DCBLD2: variants seen among roughly 807,000 people sequenced by gnomAD.
The protein encoded by DCBLD2 is discoidin, CUB and LCCL domain-containing protein 2.
In DCBLD2, 54 loss-of-function variants were observed where a neutral mutation model predicts 86.8. The observed-to-expected ratio is 0.62, with a 90% CI of 0.50 to 0.78. The LOEUF (loss-of-function observed/expected upper bound fraction) is 0.78. Ranked by LOEUF, DCBLD2 falls within the 30% of genes least tolerant of loss-of-function variation. The pLI is 0.00. For synonymous variants in DCBLD2, 354 were observed against 341.3 expected, an observed-to-expected ratio of 1.04 and a Z score of -0.41; for missense variants, 908 against 954.2, an observed-to-expected ratio of 0.95 and a Z score of 0.64.
chr3:98,826,429 C>A (rs749387778), intron 3 of DCBLD2, among the ~76,000 whole-genome samples: 3 of 152,240 alleles, frequency 2.0e-5, no homozygotes, highest in Non-Finnish European at 4.4e-5. Flanking sequence ...AGCTTCACTG[C>A]CACTTCCTCA....
At chr3:98,832,663 C>CATAA (rs1942344687) in intron 3 of DCBLD2, among the ~76,000 whole-genome samples, 3 of 152,184 alleles carry the variant, frequency 2.0e-5, no homozygotes, top group Non-Finnish European at 4.4e-5. Context: ...ATTTGCTTAT[C>CATAA]TGACAAGAAT....
chr3:98,891,729 C>G (rs992246015), intron 1 of DCBLD2, among the ~76,000 whole-genome samples: 22 of 152,116 alleles, frequency 1.4e-4, no homozygotes, highest in African/African-American at 5.3e-4. Flanking sequence ...GGTGACTCCC[C>G]ACATGCTCCA....
intron 15 of DCBLD2, 25 bp downstream of exon 15, chr3:98,800,554 T>G: frequency 6.2e-7 from 1 of 1,604,160 alleles, no homozygotes; most frequent in Non-Finnish European, 8.5e-7. Flanking sequence ...CTCTGCCTGG[T>G]ACCAGAAGGC....
chr3:98,843,567 C>T (rs1942658955), intron 3 of DCBLD2, among the ~76,000 whole-genome samples: 3 of 152,126 alleles, frequency 2.0e-5, no homozygotes, highest in Non-Finnish European at 2.9e-5. Context: ...CCCTACGTTT[C>T]ATTTGCAAAC....
At chr3:98,851,952 T>G (rs1328406286) in intron 2 of DCBLD2, among the ~76,000 whole-genome samples, 1 of 152,170 alleles carries the variant, frequency 6.6e-6, no homozygotes, top group Non-Finnish European at 1.5e-5. Flanking sequence ...GATTAAAGAC[T>G]TAAACGTAAG....
chr3:98,834,838 C>T (rs1485016054), intron 3 of DCBLD2, among the ~76,000 whole-genome samples: 2 of 152,278 alleles, frequency 1.3e-5, no homozygotes, highest in African/African-American at 2.4e-5. Flanking sequence ...TCAGTCTGAA[C>T]TGCTTTGACA....
intron 2 of DCBLD2, 120 bp downstream of exon 2, chr3:98,881,420 A>C (rs1009218547): frequency 2.3e-6 from 2 of 864,094 alleles, no homozygotes; most frequent in African/African-American, 3.4e-5. Flanking sequence ...ATTTTTACAC[A>C]TATTCAATAA....
intron 1 of DCBLD2, among the ~76,000 whole-genome samples, chr3:98,886,614 T>C (rs988245707): frequency 2.0e-5 from 3 of 152,010 alleles, no homozygotes; most frequent in African/African-American, 4.8e-5. Context: ...GGTAGAAGCC[T>C]GTTAACCTAA....
intron 3 of DCBLD2, among the ~76,000 whole-genome samples, chr3:98,839,900 T>G (rs1942589597): frequency 6.6e-6 from 1 of 152,232 alleles, no homozygotes; most frequent in Non-Finnish European, 1.5e-5. Context: ...AGATGACATT[T>G]AAGTAAAACT....
intron 2 of DCBLD2, among the ~76,000 whole-genome samples, chr3:98,868,893 G>C (rs76608691): frequency 6.6e-6 from 1 of 152,008 alleles, no homozygotes; most frequent in Non-Finnish European, 1.5e-5. Flanking sequence ...GGTTGATTCC[G>C]TATCTTTTCC....
At chr3:98,851,477 A>T (rs561117177) in intron 2 of DCBLD2, among the ~76,000 whole-genome samples, 23 of 152,360 alleles carry the variant, frequency 1.5e-4, no homozygotes, top group African/African-American at 5.3e-4. Flanking sequence ...GCTCGTGGAT[A>T]GGAAGAATCA....
At chr3:98,892,801 C>T (rs1171413293) in intron 1 of DCBLD2, among the ~76,000 whole-genome samples, 3 of 152,122 alleles carry the variant, frequency 2.0e-5, no homozygotes, top group Non-Finnish European at 2.9e-5. Flanking sequence ...CACCTCACAT[C>T]CAGACCTATA....
At chr3:98,808,055 C>A (rs780195068) in intron 13 of DCBLD2, 26 bp downstream of exon 13, 91 of 1,493,720 alleles carry the variant, frequency 6.1e-5, no homozygotes, top group Admixed American at 4.8e-4. Flanking sequence ...TAGTTTTGGA[C>A]TCAGGTGAAC....
chr3:98,873,172 T>G (rs1173097661), intron 2 of DCBLD2, among the ~76,000 whole-genome samples: 1 of 152,014 alleles, frequency 6.6e-6, no homozygotes, highest in Non-Finnish European at 1.5e-5. Flanking sequence ...AATGGAGATA[T>G]TAGAATTATG....
chr3:98,822,489 A>G (rs1942140841), intron 5 of DCBLD2, 128 bp from the exon 6 acceptor site: 2 of 1,313,502 alleles, frequency 1.5e-6, no homozygotes, highest in African/African-American at 3.0e-5. Context: ...ACAAAAATAG[A>G]TTATTGGTAC....
chr3:98,880,735 G>A (rs1398955386), intron 2 of DCBLD2, among the ~76,000 whole-genome samples: 3 of 152,098 alleles, frequency 2.0e-5, no homozygotes, highest in Non-Finnish European at 4.4e-5. Context: ...ACACATACTA[G>A]TTCATTCCCT....
At chr3:98,854,908 A>G (rs1942904516) in intron 2 of DCBLD2, among the ~76,000 whole-genome samples, 1 of 152,214 alleles carries the variant, frequency 6.6e-6, no homozygotes, top group African/African-American at 2.4e-5. Context: ...CTTTAAGTGG[A>G]AAACTTTGAG....
At chr3:98,825,641 ATT>A (rs1491090831) in intron 3 of DCBLD2, among the ~76,000 whole-genome samples, 3 of 68,388 alleles carry the variant, frequency 4.4e-5, no homozygotes, top group South Asian at 5.9e-4. Context: ...GTATATGTGT[ATT>A]TATATATATA....
Position 98,797,838 on chromosome 3 carries a change from C to T in DCBLD2, c.*1534G>A, listed in dbSNP as rs1941641903. 1 of 152,162 alleles carries T rather than the reference C, an allele frequency of 6.6e-6. No individual in the cohort carries two copies. Among genetic ancestry groups the T allele is most frequent in the Non-Finnish European group, 1.5e-5 (1 of 68,032 alleles). The allele number at this position is 152,162 out of a possible 1,614,324, so 9.4% of individuals were successfully genotyped here. Reference sequence around the variant, plus strand: ...TTCTGGCAACATCATAATCTGGTGGCTCAGGCCAACAGAAGTGACTAGAAC... The same window carrying T: ...TTCTGGCAACATCATAATCTGGTGGTTCAGGCCAACAGAAGTGACTAGAAC... On this transcript the variant is annotated 3_prime_UTR_variant, in exon 16 of 16. Transcript: ENST00000326840.
Sources: allele counts gnomAD v4.1 joint callset (sites outside exome capture counted in the v4.1 genomes callset), GRCh38; gene constraint gnomAD v4.1.1; transcripts MANE v1.5; gene names NCBI Gene and HGNC (gene_info 2026-07-23, HGNC 2026-07-21).